Variants in PIKFYVE observed in about 807,000 individuals in gnomAD.
PIKFYVE encodes the protein 1-phosphatidylinositol 3-phosphate 5-kinase.
PIKFYVE carries 122 observed loss-of-function variants against 257.9 expected under a neutral mutation model. That is an observed-to-expected ratio of 0.47 (90% CI 0.41 to 0.55). PIKFYVE has a LOEUF of 0.55. PIKFYVE is among the 20% of genes least tolerant of loss of function. PIKFYVE has a pLI of 0.00. For synonymous variants in PIKFYVE, 892 were observed against 868.9 expected (o/e 1.03, Z -0.47); for missense variants, 2,160 against 2,536.6 (o/e 0.85, Z 3.19).
In PIKFYVE at chr2:208,288,774, T is replaced by C. The variant is rs1194544289; in HGVS notation, c.867T>C (p.Leu289=). ...DSSNTPLSTR[L]VSVQEDAGKS... is the part of the protein sequence containing the mutation. ...CAAATACTCCTCTTTCAACAAGACT[T>C]GTATCTGTGCAAGAGGATGCTGGGA... Residue 289 remains leucine (L), a synonymous_variant, in exon 7 of 42, where the codon CTT becomes CTC. Transcript: ENST00000264380. The C allele has an allele frequency of 1.2e-6, 2 of 1,614,062 alleles. No individual in the cohort carries two copies. Among genetic ancestry groups the C allele is most frequent in the Non-Finnish European group, 1.7e-6 (2 of 1,179,970 alleles).
At chr2:208,315,489 A>T in intron 15 of PIKFYVE, 116 bp downstream of exon 15, 1 of 1,241,134 alleles carries the variant, frequency 8.1e-7, no homozygotes, top group Non-Finnish European at 1.1e-6. Flanking sequence ...CTAGGTGAGG[A>T]GTAGGAGGTT....
At chr2:208,341,435 C>CAA (rs1698691797) in intron 31 of PIKFYVE, among the ~76,000 whole-genome samples, 1 of 152,050 alleles carries the variant, frequency 6.6e-6, no homozygotes. Flanking sequence ...TCCCCCTTAC[C>CAA]TCCTGCTCCA....
chr2:208,340,895 A>T (rs531975365), intron 31 of PIKFYVE, among the ~76,000 whole-genome samples: 2 of 152,300 alleles, frequency 1.3e-5, no homozygotes, highest in Non-Finnish European at 2.9e-5. Context: ...AGTAAAATAT[A>T]AAAGGTCCCT....
chr2:208,335,996 G>T, intron 26 of PIKFYVE, 50 bp from the exon 27 acceptor site: 3 of 1,608,552 alleles, frequency 1.9e-6, no homozygotes, highest in East Asian at 2.2e-5. Flanking sequence ...TTTCTTTTGG[G>T]GTATGTCTGT....
At chr2:208,270,141 C>A (rs13394932) in intron 1 of PIKFYVE, among the ~76,000 whole-genome samples, 144,365 of 150,358 alleles carry the variant, frequency 0.96, 69,456 homozygotes, top group East Asian at 1. Context: ...TCCTGGGTTC[C>A]AGCGATTCTC....
chr2:208,338,413 C>T, intron 28 of PIKFYVE, 95 bp from the exon 29 acceptor site: 1 of 1,140,958 alleles, frequency 8.8e-7, no homozygotes, highest in Non-Finnish European at 1.3e-6. Flanking sequence ...TAAATGGGTC[C>T]TGAGACCAAA....
chr2:208,354,580 G>A lies in PIKFYVE; in HGVS notation c.6116G>A (p.Arg2039Gln), dbSNP rs1181288858. 1.2e-6 allele frequency: 2 copies of A among 1,612,068 alleles called. No homozygotes were observed. Among genetic ancestry groups the A allele is most frequent in the East Asian group, 2.2e-5 (1 of 44,778 alleles). Residue 2039 changes from arginine (R) to glutamine (Q), a missense_variant, in exon 41 of 42, where the codon CGA becomes CAA. Arg to Gln is a conservative substitution (Grantham distance 43). Transcript: ENST00000264380. ...TCCTTCTACCCCCCAGATTATATTC[G>A]AACATTTACATGGGACAAAAAGCTT... ...ELVVGIIDYI[R>Q]TFTWDKKLEM...
chr2:208,267,800 C>T (rs1574366407), intron 1 of PIKFYVE, among the ~76,000 whole-genome samples: 1 of 151,776 alleles, frequency 6.6e-6, no homozygotes. Flanking sequence ...AGCCACCGGG[C>T]GGGGGTCTCC....
At chr2:208,332,782 T>A (rs936390680) in intron 23 of PIKFYVE, among the ~76,000 whole-genome samples, 1 of 152,090 alleles carries the variant, frequency 6.6e-6, no homozygotes, top group African/African-American at 2.4e-5. Context: ...TATATATATA[T>A]AAATACATCA....
chr2:208,286,042 G>GTGAGTGCT, intron 6 of PIKFYVE, 109 bp downstream of exon 6: 2 of 1,094,414 alleles, frequency 1.8e-6, no homozygotes, highest in Non-Finnish European at 2.7e-6. Context: ...TTTCCTGTCA[G>GTGAGTGCT]TTCACTGTGT....
chr2:208,340,136 GTAT>G lies in PIKFYVE; in HGVS notation c.4931+11_4931+13del, dbSNP rs748185334. On this transcript the variant is annotated splice_donor_region_variant and intron_variant, in intron 31 of 41. Transcript: ENST00000264380. ...TAATCCTATTCCATTTCCTTTGTAA[GTAT>G]TATTAAAACCAGTGGCTCTTAGCAG... The G allele has an allele frequency of 6.2e-7, 1 of 1,613,806 alleles. No homozygotes were observed. The highest frequency in any genetic ancestry group is 8.5e-7 in the Non-Finnish European group (1 of 1,179,824).
intron 7 of PIKFYVE, among the ~76,000 whole-genome samples, chr2:208,294,855 A>G (rs1167308146): frequency 6.6e-6 from 1 of 152,100 alleles, no homozygotes; most frequent in Non-Finnish European, 1.5e-5. Flanking sequence ...ACGTATTTTT[A>G]AGTTCTTTAT....
intron 9 of PIKFYVE, among the ~76,000 whole-genome samples, chr2:208,301,502 A>G (rs920067491): frequency 1.3e-5 from 2 of 152,228 alleles, no homozygotes; most frequent in Non-Finnish European, 2.9e-5. Context: ...TATAAAAAAG[A>G]GTAACAGACA....
At chr2:208,347,588 A>G (rs990588200) in intron 34 of PIKFYVE, among the ~76,000 whole-genome samples, 1 of 152,154 alleles carries the variant, frequency 6.6e-6, no homozygotes, top group African/African-American at 2.4e-5. Flanking sequence ...CTATATTTTT[A>G]TATTAATCTA....
rs557294308 is a variant in PIKFYVE, at chr2:208,350,708, G to A, written c.5435-63G>A. 2.6e-6 allele frequency: 4 copies of A among 1,564,866 alleles called. No individual in the cohort carries two copies. The East Asian group carries it at 9.0e-5, about 35-fold the overall frequency. On this transcript the variant is annotated intron_variant, in intron 36 of 41. Coordinates refer to ENST00000264380, the MANE Select transcript of PIKFYVE (RefSeq NM_015040.4). ...TTTGGCCAGGGTAGGGAGTGAGGGA[G>A]CGGAGGAGGAAAGATATTTTCTGAG...
chr2:208,288,741 A>G lies in PIKFYVE; in HGVS notation c.834A>G (p.Pro278=). ...DDLAWQSLIH[P]DSSNTPLSTR... is the part of the protein sequence containing the mutation. Reference sequence around the variant, plus strand: ...ATTTTCTTTATAGTTTGATTCATCCAGATTCCTCAAATACTCCTCTTTCAA... The same window carrying G: ...ATTTTCTTTATAGTTTGATTCATCCGGATTCCTCAAATACTCCTCTTTCAA... Residue 278 remains proline (P), a synonymous_variant, in exon 7 of 42, where the codon CCA becomes CCG. Transcript: ENST00000264380. 6.2e-7 allele frequency: 1 copy of G among 1,614,034 alleles called. No individual in the cohort carries two copies. The highest frequency in any genetic ancestry group is 8.5e-7 in the Non-Finnish European group (1 of 1,179,952).
chr2:208,325,231 C>T lies in PIKFYVE; in HGVS notation c.2459-39C>T, dbSNP rs771991370. ...TTCTATTTGTACTTCTGGATTGCCACCTCCACCATCTTAACTTTCTGTTTG... is the reference window on the plus strand; with the variant it reads ...TTCTATTTGTACTTCTGGATTGCCATCTCCACCATCTTAACTTTCTGTTTG... On this transcript the variant is annotated intron_variant, in intron 19 of 41. Transcript: ENST00000264380. 5.0e-6 allele frequency: 8 copies of T among 1,597,022 alleles called. No homozygotes were observed. In the South Asian group the frequency reaches 6.7e-5, roughly 13 times the overall value.
At chr2:208,270,902 A>G (rs1408771369) in intron 1 of PIKFYVE, among the ~76,000 whole-genome samples, 1 of 151,768 alleles carries the variant, frequency 6.6e-6, no homozygotes, top group African/African-American at 2.4e-5. Context: ...GGGCGTGGTG[A>G]CTGCGCACCT....
rs1689685397 is a variant in PIKFYVE at position 208,273,420 on chromosome 2, A to G, written c.173-164A>G. Among the ~76,000 whole-genome samples the G allele has an allele frequency of 2.0e-5, 3 of 152,206 alleles. No individual in the cohort carries two copies. The South Asian group carries it at 6.2e-4, about 32-fold the overall frequency. On this transcript the variant is annotated intron_variant, in intron 2 of 41. Coordinates refer to ENST00000264380, the MANE Select transcript of PIKFYVE (RefSeq NM_015040.4). ...CAGTACCAGCCTGGGCAACATAGGG[A>G]GAACCTGCTTGTATTTAAAATTAAA...
Sources: gnomAD v4.1 joint callset for allele counts (sites outside exome capture counted in the v4.1 genomes callset) on GRCh38, gnomAD v4.1.1 for gene constraint, MANE v1.5 for transcripts, NCBI Gene and HGNC (gene_info 2026-07-23, HGNC 2026-07-21) for gene names.